The following SFXN5 variants were observed in gnomAD, a reference collection of about 807,000 sequenced individuals.
SFXN5 encodes the protein sideroflexin 5.
SFXN5 carries 43 observed loss-of-function variants against 50.2 expected under a neutral mutation model. The ratio of observed to expected loss-of-function variants is 0.86; its 90% CI spans 0.67 to 1.11. The LOEUF is 1.11. SFXN5 is among the 50% of genes least tolerant of loss of function. The pLI is 0.00. For synonymous variants in SFXN5, 203 were observed against 185.8 expected (o/e 1.09, Z -0.75); for missense variants, 463 against 454.1 (o/e 1.02, Z -0.18).
At chr2:72,974,802 G>A (rs1559108896) in intron 10 of SFXN5, among the ~76,000 whole-genome samples, 1 of 151,612 alleles carries the variant, frequency 6.6e-6, no homozygotes, top group African/African-American at 2.4e-5. Context: ...TGGCAAGTCC[G>A]GCTCCTGTGA....
intron 6 of SFXN5, among the ~76,000 whole-genome samples, chr2:73,013,465 CAAG>C (rs1675796042): frequency 6.9e-6 from 1 of 145,042 alleles, no homozygotes; most frequent in South Asian, 2.2e-4. Flanking sequence ...GAGATGATAT[CAAG>C]AAGACAAAAC....
chr2:72,950,524 C>T lies in SFXN5; in HGVS notation c.946-5425G>A, dbSNP rs989329731. Reference sequence around the variant, plus strand: ...ATTGGGACCACTGGGGTACTCCCTGCTGGGCTTGGCTAGGGGAGGCTGGGG... The same window carrying T: ...ATTGGGACCACTGGGGTACTCCCTGTTGGGCTTGGCTAGGGGAGGCTGGGG... On this transcript the variant is annotated intron_variant, in intron 13 of 13. Coordinates refer to ENST00000272433, the MANE Select transcript of SFXN5 (RefSeq NM_144579.3). The surrounding 1 kb of genome is among the most constrained non-coding windows in gnomAD (Gnocchi z 4.2). Among the ~76,000 whole-genome samples, 1 of 152,200 alleles carries T rather than the reference C, an allele frequency of 6.6e-6. No individual in the cohort carries two copies. Among genetic ancestry groups the T allele is most frequent in the Non-Finnish European group, 1.5e-5 (1 of 68,024 alleles).
chr2:73,040,782 G>A (rs1219756905), intron 3 of SFXN5, 72 bp downstream of exon 3: 10 of 1,283,250 alleles, frequency 7.8e-6, no homozygotes, highest in Non-Finnish European at 8.8e-6. Context: ...TCTGGCTGCA[G>A]CGAAGGGTTT....
intron 2 of SFXN5, among the ~76,000 whole-genome samples, chr2:73,047,307 A>ATATG (rs1454718926): frequency 2.9e-4 from 20 of 68,234 alleles, no homozygotes; most frequent in African/African-American, 9.9e-4. Context: ...TAAAATATAT[A>ATATG]TGTGTGTGTA....
At chr2:72,970,473 G>C (rs1012956510) in intron 11 of SFXN5, among the ~76,000 whole-genome samples, 2 of 152,184 alleles carry the variant, frequency 1.3e-5, no homozygotes, top group Non-Finnish European at 2.9e-5. Context: ...AAGACCTCAT[G>C]ACTGGGGTAA....
rs544273064 is a variant in SFXN5 at position 73,043,440 on chromosome 2, G to A, written c.172-2509C>T. The stretch of plus-strand genomic sequence containing the variant: ...CAGGCAAACCAGAGAGGCCACCCTC[G>A]ACCCCTCAGGCCTGCATGTGAAGCA... On this transcript the variant is annotated intron_variant, in intron 2 of 13. Coordinates refer to ENST00000272433, the MANE Select transcript of SFXN5 (RefSeq NM_144579.3). Among the ~76,000 whole-genome samples the A allele has an allele frequency of 6.4e-4, 97 of 152,310 alleles. 1 individual carries two copies. In the Middle Eastern group the frequency reaches 0.017, roughly 27 times the overall value.
In SFXN5 at chr2:72,998,127, G is replaced by A. The variant is rs536580162; in HGVS notation, c.534+822C>T. ...CTTACCAGTTACATTAATGTATTGTGTAATGGATGAAATGACAGAGTTGTG... is the reference window on the plus strand; with the variant it reads ...CTTACCAGTTACATTAATGTATTGTATAATGGATGAAATGACAGAGTTGTG... On this transcript the variant is annotated intron_variant, in intron 9 of 13. Transcript: ENST00000272433. The A allele has an allele frequency of 3.3e-5, 5 of 152,202 alleles. No homozygotes were observed. In the East Asian group the frequency reaches 9.7e-4, roughly 29 times the overall value. The allele number at this position is 152,202 out of a possible 1,614,324, so 9.4% of individuals were successfully genotyped here.
intron 12 of SFXN5, among the ~76,000 whole-genome samples, chr2:72,966,067 G>A (rs1455717758): frequency 1.3e-5 from 2 of 152,204 alleles, no homozygotes; most frequent in Non-Finnish European, 2.9e-5. Context: ...GGAAACCCCA[G>A]GGTGGAGCGC....
rs966568220 is a variant in SFXN5 at position 72,942,652 on chromosome 2, C to G, written c.*2370G>C. 20 of 152,476 alleles carry G rather than the reference C, an allele frequency of 1.3e-4. No homozygotes were observed. The highest frequency in any genetic ancestry group is 4.8e-4 in the African/African-American group (20 of 41,590). The allele number at this position is 152,476 out of a possible 1,614,324, so 9.4% of individuals were successfully genotyped here. A position where few individuals can be genotyped will look rare whatever the true frequency, so the allele number is the denominator to read the frequency against. On this transcript the variant is annotated 3_prime_UTR_variant, in exon 14 of 14. Transcript: ENST00000272433. The stretch of plus-strand genomic sequence containing the variant: ...CCAAAGCCAGACCAGGGCCTAGTGG[C>G]ATAGCCCACTGTCCCTCTGTCACCC...
At chr2:72,982,047 C>T (rs1671370764) in intron 10 of SFXN5, among the ~76,000 whole-genome samples, 1 of 151,330 alleles carries the variant, frequency 6.6e-6, no homozygotes, top group East Asian at 1.9e-4. Context: ...GAACAAGTTC[C>T]CTGATGGCAG....
intron 5 of SFXN5, among the ~76,000 whole-genome samples, chr2:73,021,557 C>T (rs1167104902): frequency 6.6e-6 from 1 of 152,218 alleles, no homozygotes; most frequent in Non-Finnish European, 1.5e-5. Context: ...AGGGCACTCA[C>T]TGCCCCAGTT....
rs189210346 is a variant in SFXN5, at chr2:72,982,944, G to A, written c.625+5314C>T. Among the ~76,000 whole-genome samples the A allele has an allele frequency of 9.9e-4, 151 of 152,378 alleles. 1 individual carries two copies. The highest frequency in any genetic ancestry group is 3.5e-3 in the African/African-American group (145 of 41,594). ...GCATCCAGAGGTGCCTGAAGGGCATGAATGCCACGTGAAGCACCACTGACC... is the reference window on the plus strand; with the variant it reads ...GCATCCAGAGGTGCCTGAAGGGCATAAATGCCACGTGAAGCACCACTGACC... On this transcript the variant is annotated intron_variant, in intron 10 of 13. Transcript: ENST00000272433.
intron 2 of SFXN5, 76 bp from the exon 3 acceptor site, chr2:73,041,007 T>C (rs1252401351): frequency 2.4e-6 from 3 of 1,268,196 alleles, no homozygotes; most frequent in Middle Eastern, 2.0e-4. Context: ...TGGGATTACA[T>C]CAGTATCAAA....
In SFXN5 at chr2:72,991,690, G is replaced by A. The variant is rs536445523; in HGVS notation, c.535-3342C>T. ...TGGTTCCTCAGGGCCCTTTGGCCTTGAACATTTGGTAGAGCCCGTTAAAAT... is the reference window on the plus strand; with the variant it reads ...TGGTTCCTCAGGGCCCTTTGGCCTTAAACATTTGGTAGAGCCCGTTAAAAT... On this transcript the variant is annotated intron_variant, in intron 9 of 13. Coordinates refer to ENST00000272433, the MANE Select transcript of SFXN5 (RefSeq NM_144579.3). Among the ~76,000 whole-genome samples the A allele has an allele frequency of 2.6e-5, 4 of 152,356 alleles. No homozygotes were observed. The South Asian group carries it at 8.3e-4, about 32-fold the overall frequency.
chr2:73,051,764 A>G (rs1021523935), intron 2 of SFXN5, among the ~76,000 whole-genome samples: 1 of 152,188 alleles, frequency 6.6e-6, no homozygotes, highest in African/African-American at 2.4e-5. Flanking sequence ...GGAGGCTGGA[A>G]GTCCAAGATC....
In SFXN5 at chr2:73,031,518, G is replaced by C. The variant is rs527567742; in HGVS notation, c.250-8304C>G. Among the ~76,000 whole-genome samples, 14 of 152,344 alleles carry C rather than the reference G, an allele frequency of 9.2e-5. No individual in the cohort carries two copies. The South Asian group carries it at 2.3e-3, about 25-fold the overall frequency. On this transcript the variant is annotated intron_variant, in intron 3 of 13. Transcript: ENST00000272433. ...ATTTGGGGATCGTTTTGTTACAGCA[G>C]CTAGTACCACTTTAACTAATATAAC...
chr2:73,017,821 A>G (rs1357675134), intron 6 of SFXN5, among the ~76,000 whole-genome samples: 1 of 152,226 alleles, frequency 6.6e-6, no homozygotes, highest in Non-Finnish European at 1.5e-5. Context: ...AGTAACCATG[A>G]GTACACCCAG....
chr2:73,058,660 T>C (rs1476949010), intron 1 of SFXN5, 64 bp from the exon 2 acceptor site: 8 of 1,498,862 alleles, frequency 5.3e-6, no homozygotes, highest in Non-Finnish European at 6.5e-6. Context: ...CTCCAGACAC[T>C]GGAGAGCCCC....
At chr2:73,071,477 CT>C (rs1481174382) in intron 1 of SFXN5, 126 bp downstream of exon 1, 10 of 804,006 alleles carry the variant, frequency 1.2e-5, no homozygotes, top group South Asian at 1.8e-5. Context: ...GGTTCCCCCC[CT>C]GGCGCTAGCT....
Sources: allele counts gnomAD v4.1 joint callset (sites outside exome capture counted in the v4.1 genomes callset), GRCh38; gene constraint gnomAD v4.1.1; non-coding constraint Gnocchi (gnomAD v3.1); transcripts MANE v1.5; gene names NCBI Gene and HGNC (gene_info 2026-07-23, HGNC 2026-07-21).